DPH6: variants seen among roughly 807,000 people sequenced by gnomAD.
DPH6 encodes diphthamine biosynthesis 6.
In DPH6, 33 loss-of-function variants were observed where a neutral mutation model predicts 38.2. The ratio of observed to expected loss-of-function variants is 0.86; its 90% CI spans 0.65 to 1.15. The LOEUF is 1.15. DPH6 is among the 50% of genes most tolerant of loss of function. DPH6 has a pLI of 0.00. For synonymous variants in DPH6, 108 were observed against 103.0 expected (o/e 1.05, Z -0.30); for missense variants, 325 against 320.0 (o/e 1.02, Z -0.12).
the DPH6 span, among the ~76,000 whole-genome samples, chr15:35,191,840 T>A: frequency 1.3e-5 from 2 of 152,220 alleles, no homozygotes; most frequent in Admixed American, 6.5e-5. Flanking sequence ...GATTGCTTCC[T>A]TACCTCTCCC....
At chr15:35,503,936 A>G (rs2054660494) in intron 3 of DPH6, among the ~76,000 whole-genome samples, 1 of 152,126 alleles carries the variant, frequency 6.6e-6, no homozygotes, top group Admixed American at 6.6e-5. Flanking sequence ...CTTAATCCCC[A>G]GGAAAGCTTT....
intron 7 of DPH6, among the ~76,000 whole-genome samples, chr15:35,381,620 T>C (rs528947961): frequency 6.6e-6 from 1 of 152,332 alleles, no homozygotes; most frequent in East Asian, 1.9e-4. Flanking sequence ...AAAAAGTTTA[T>C]AGCCTTCTAT....
intron 3 of DPH6, among the ~76,000 whole-genome samples, chr15:35,244,000 T>C (rs2051618585): frequency 6.6e-6 from 1 of 152,202 alleles, no homozygotes; most frequent in South Asian, 2.1e-4. Context: ...AATATTTGTA[T>C]GTTTAATGCT....
At chr15:35,439,646 C>T (rs2141054212) in intron 5 of DPH6, among the ~76,000 whole-genome samples, 1 of 152,238 alleles carries the variant, frequency 6.6e-6, no homozygotes, top group South Asian at 2.1e-4. Context: ...TACAAAGTTC[C>T]TAACCTGTGG....
intron 3 of DPH6, among the ~76,000 whole-genome samples, chr15:35,515,722 G>GGA (rs1490032066): frequency 2.6e-5 from 2 of 77,950 alleles, no homozygotes; most frequent in East Asian, 3.9e-4. Context: ...CTCCGTCTCA[G>GGA]AAAAAAAAAA....
chr15:35,233,308 T>C (rs2051531099), intron 3 of DPH6, among the ~76,000 whole-genome samples: 1 of 152,042 alleles, frequency 6.6e-6, no homozygotes, highest in Admixed American at 6.6e-5. Flanking sequence ...AAACTCTGTA[T>C]CAAAAGTAAA....
chr15:35,449,450 G>C (rs1466328116), intron 5 of DPH6, among the ~76,000 whole-genome samples: 1 of 152,010 alleles, frequency 6.6e-6, no homozygotes, highest in Non-Finnish European at 1.5e-5. Flanking sequence ...AGGTCTCTCT[G>C]GGTCCTAATC....
At chr15:35,155,213 TA>T in the DPH6 span, among the ~76,000 whole-genome samples, 1 of 152,214 alleles carries the variant, frequency 6.6e-6, no homozygotes, top group Admixed American at 6.5e-5. Context: ...GAGCTAACCA[TA>T]AAAAAGGACT....
At chr15:35,264,170 T>G (rs1330167644) in intron 3 of DPH6, among the ~76,000 whole-genome samples, 6 of 151,972 alleles carry the variant, frequency 3.9e-5, no homozygotes, top group Non-Finnish European at 8.8e-5. Context: ...TTGCCTCCAC[T>G]CTAGAGCAAG....
chr15:35,352,092 T>C (rs560181102), intron 3 of DPH6, among the ~76,000 whole-genome samples: 73 of 152,332 alleles, frequency 4.8e-4, no homozygotes, highest in African/African-American at 1.7e-3. Context: ...ACTACTTCTG[T>C]TTTCTAATTT....
intron 5 of DPH6, among the ~76,000 whole-genome samples, chr15:35,444,685 T>C (rs1236799485): frequency 2.0e-5 from 3 of 152,216 alleles, no homozygotes; most frequent in South Asian, 2.1e-4. Context: ...TTGACCAATA[T>C]GATGTTCCAT....
intron 3 of DPH6, among the ~76,000 whole-genome samples, chr15:35,262,269 A>G (rs1462171000): frequency 6.6e-6 from 1 of 152,218 alleles, no homozygotes; most frequent in Non-Finnish European, 1.5e-5. Flanking sequence ...TTTTTCAGGA[A>G]ATCTCCAATG....
At chr15:35,272,132 A>C (rs2051825994) in intron 3 of DPH6, among the ~76,000 whole-genome samples, 1 of 152,198 alleles carries the variant, frequency 6.6e-6, no homozygotes, top group Non-Finnish European at 1.5e-5. Flanking sequence ...TAAAAATAAC[A>C]ATACAATAAA....
At chr15:35,159,473 C>T in the DPH6 span, among the ~76,000 whole-genome samples, 30 of 151,778 alleles carry the variant, frequency 2.0e-4, no homozygotes, top group Non-Finnish European at 2.7e-4. Flanking sequence ...TTATCACTAA[C>T]CATCAGAGTA....
chr15:35,470,015 T>C (rs1049807263), intron 3 of DPH6, among the ~76,000 whole-genome samples: 13 of 152,088 alleles, frequency 8.5e-5, no homozygotes, highest in Non-Finnish European at 1.6e-4. Flanking sequence ...CTGGCCAACA[T>C]GGCGAAACCC....
At chr15:35,314,563 A>G (rs1030528491) in intron 3 of DPH6, among the ~76,000 whole-genome samples, 2 of 152,182 alleles carry the variant, frequency 1.3e-5, no homozygotes, top group African/African-American at 4.8e-5. Flanking sequence ...AGGAGACAAG[A>G]GCCTTGAAGA....
At chr15:35,419,564 T>C (rs1341129291) in intron 5 of DPH6, among the ~76,000 whole-genome samples, 2 of 152,030 alleles carry the variant, frequency 1.3e-5, no homozygotes, top group Non-Finnish European at 2.9e-5. Flanking sequence ...TCAGTTCACC[T>C]TAAAACACCC....
At chr15:35,542,536 T>C (rs1399224166) in intron 1 of DPH6, 29 bp from the exon 2 acceptor site, 2 of 1,520,372 alleles carry the variant, frequency 1.3e-6, no homozygotes, top group Admixed American at 1.7e-5. Flanking sequence ...GAGGGACAAA[T>C]ATCATGCTAC....
At chr15:35,364,026 T>A (rs2035466550) in intron 3 of DPH6, among the ~76,000 whole-genome samples, 1 of 152,064 alleles carries the variant, frequency 6.6e-6, no homozygotes, top group Non-Finnish European at 1.5e-5. Flanking sequence ...GCTTATATTT[T>A]CTCATGTTTA....
Sources: allele counts gnomAD v4.1 joint callset (sites outside exome capture counted in the v4.1 genomes callset), GRCh38; gene constraint gnomAD v4.1.1; transcripts MANE v1.5; gene names NCBI Gene and HGNC (gene_info 2026-07-23, HGNC 2026-07-21).